UGT1A8: variants seen among roughly 807,000 people sequenced by gnomAD.
The protein encoded by UGT1A8 is UDP-glucuronosyltransferase 1A8.
In UGT1A8, 39 loss-of-function variants were observed where a neutral mutation model predicts 45.3. That is an observed-to-expected ratio of 0.86 (90% confidence interval 0.67 to 1.12). The LOEUF (loss-of-function observed/expected upper bound fraction) is 1.12. Ranked by LOEUF, UGT1A8 falls within the 50% of genes most tolerant of loss-of-function variation. UGT1A8 has a pLI of 0.00. For synonymous variants in UGT1A8, 275 were observed against 249.2 expected (o/e 1.10, Z -0.97); for missense variants, 719 against 664.9 (o/e 1.08, Z -0.90).
intron 1 of UGT1A8, among the ~76,000 whole-genome samples, chr2:233,661,639 C>CTTTCTTTCTTTCTTTCT (rs1320282572): frequency 7.5e-6 from 1 of 132,822 alleles, no homozygotes. Flanking sequence ...TTCTTTCTTT[C>CTTTCTTTCTTTCTTTCT]TTTCTTTCTT....
intron 1 of UGT1A8, among the ~76,000 whole-genome samples, chr2:233,739,213 A>G (rs1053433139): frequency 6.6e-6 from 1 of 152,254 alleles, no homozygotes; most frequent in Non-Finnish European, 1.5e-5. Context: ...CTGCATGGAT[A>G]GAGTCCTTAT....
At chr2:233,738,731 C>T (rs1205988900) in intron 1 of UGT1A8, among the ~76,000 whole-genome samples, 1 of 152,174 alleles carries the variant, frequency 6.6e-6, no homozygotes. Context: ...GGAAAATTTG[C>T]AGCCTGACCA....
At chr2:233,690,928 C>T (rs2075021856) in intron 1 of UGT1A8, 1 of 1,021,222 alleles carries the variant, frequency 9.8e-7, no homozygotes, top group African/African-American at 1.7e-5. Context: ...TTCTTCAGCT[C>T]CTTCCTCCAA....
chr2:233,678,559 A>T (rs1002783535), intron 1 of UGT1A8, among the ~76,000 whole-genome samples: 1 of 152,202 alleles, frequency 6.6e-6, no homozygotes, highest in Non-Finnish European at 1.5e-5. Flanking sequence ...GCTTTTATAC[A>T]GTACTAATCC....
intron 1 of UGT1A8, among the ~76,000 whole-genome samples, chr2:233,684,159 C>G (rs1009384642): frequency 6.6e-6 from 1 of 152,158 alleles, no homozygotes; most frequent in African/African-American, 2.4e-5. Context: ...GTCACATTCT[C>G]TCTCATATTG....
At chr2:233,657,724 C>T (rs1296231855) in intron 1 of UGT1A8, among the ~76,000 whole-genome samples, 1 of 152,148 alleles carries the variant, frequency 6.6e-6, no homozygotes, top group South Asian at 2.1e-4. Flanking sequence ...AATTAAATTG[C>T]AATTTTAATT....
At chr2:233,721,843 C>A (rs2076975309) in intron 1 of UGT1A8, 2 of 515,272 alleles carry the variant, frequency 3.9e-6, no homozygotes, top group Non-Finnish European at 3.9e-6. Context: ...ACCTTGTGTC[C>A]AGCCCCACTG....
chr2:233,628,580 T>A (rs1020119087), intron 1 of UGT1A8, among the ~76,000 whole-genome samples: 10 of 152,080 alleles, frequency 6.6e-5, no homozygotes, highest in African/African-American at 2.4e-4. Flanking sequence ...TATTTTTTCT[T>A]TACAATCTGG....
intron 1 of UGT1A8, among the ~76,000 whole-genome samples, chr2:233,663,616 C>A (rs1029775665): frequency 7.2e-5 from 11 of 152,122 alleles, no homozygotes; most frequent in Admixed American, 5.9e-4. Flanking sequence ...AATCTTGTGG[C>A]TAATGCTAGT....
Position 233,671,357 on chromosome 2 carries a change from A to C in UGT1A8, c.855+52795A>C, listed in dbSNP as rs45570033. ...GAAGCAGGGTTGTCAGTCTCATTTC[A>C]GCATTTTAGAGGCTTCTCAGGGTTT... On this transcript the variant is annotated intron_variant, in intron 1 of 4. Transcript: ENST00000373450. 2.7e-3 allele frequency among the ~76,000 whole-genome samples: 412 copies of C among 152,314 alleles called. 1 individual carries two copies. Among genetic ancestry groups the C allele is most frequent in the African/African-American group, 9.3e-3 (388 of 41,568 alleles).
chr2:233,719,110 C>G, intron 1 of UGT1A8: 1 of 1,614,270 alleles, frequency 6.2e-7, no homozygotes, highest in Non-Finnish European at 8.5e-7. Flanking sequence ...CTGGGCTACA[C>G]TCAAGGGTTC....
chr2:233,704,065 A>T (rs912280435), intron 1 of UGT1A8, among the ~76,000 whole-genome samples: 4 of 151,732 alleles, frequency 2.6e-5, no homozygotes, highest in Non-Finnish European at 5.9e-5. Flanking sequence ...TAATTTTTGT[A>T]TTTTTTATAG....
chr2:233,757,478 C>T (rs1489873843), intron 1 of UGT1A8, among the ~76,000 whole-genome samples: 8 of 146,268 alleles, frequency 5.5e-5, no homozygotes, highest in African/African-American at 1.5e-4. Flanking sequence ...TCTCCAAAAC[C>T]ATGGACTGGC....
rs747907611 is a variant in UGT1A8 at position 233,695,435 on chromosome 2, CTTT to C, written c.856-71591_856-71589del. Among the ~76,000 whole-genome samples the C allele has an allele frequency of 1.2e-4, 16 of 130,504 alleles. No individual in the cohort carries two copies. The South Asian group carries it at 1.3e-3, about 11-fold the overall frequency. 85.6% of individuals were successfully genotyped at this position (130,504 alleles called of 152,430 possible). Reference sequence around the variant, plus strand: ...TACCGCGCCCGGCCTTCTTCTTCTTCTTTTTTTTTTGATCAACGTGCTTTATTG... The same window carrying C: ...TACCGCGCCCGGCCTTCTTCTTCTTCTTTTTTTGATCAACGTGCTTTATTG... On this transcript the variant is annotated intron_variant, in intron 1 of 4. Coordinates refer to ENST00000373450, the MANE Select transcript of UGT1A8 (RefSeq NM_019076.5).
At chr2:233,636,942 T>G in intron 1 of UGT1A8, 1 of 1,613,980 alleles carries the variant, frequency 6.2e-7, no homozygotes, top group Non-Finnish European at 8.5e-7. Context: ...TAAAGGAGAG[T>G]TCTTTTGATG....
intron 1 of UGT1A8, among the ~76,000 whole-genome samples, chr2:233,664,938 A>G (rs1174789484): frequency 1.3e-5 from 2 of 152,232 alleles, no homozygotes; most frequent in Non-Finnish European, 2.9e-5. Context: ...GCATTTAAAG[A>G]TACTCTTTTT....
chr2:233,719,081 G>A (rs146146688), intron 1 of UGT1A8: 3 of 1,614,150 alleles, frequency 1.9e-6, no homozygotes, highest in Non-Finnish European at 2.5e-6. Context: ...GGACCCAGAA[G>A]GAATTTGATC....
intron 1 of UGT1A8, among the ~76,000 whole-genome samples, chr2:233,757,619 A>G (rs1437494515): frequency 1.3e-5 from 2 of 148,966 alleles, no homozygotes; most frequent in African/African-American, 2.5e-5. Flanking sequence ...CTGCTAAAAG[A>G]TACAAGGCAG....
intron 4 of UGT1A8, 105 bp downstream of exon 4, chr2:233,768,544 T>TA: frequency 7.0e-7 from 1 of 1,425,890 alleles, no homozygotes; most frequent in East Asian, 2.6e-5. Flanking sequence ...GTTTCAAATA[T>TA]AAAAACAAAT....
Sources: allele counts gnomAD v4.1 joint callset (sites outside exome capture counted in the v4.1 genomes callset), GRCh38; gene constraint gnomAD v4.1.1; transcripts MANE v1.5; gene names NCBI Gene and HGNC (gene_info 2026-07-23, HGNC 2026-07-21).